The following TEX11 variants were observed in gnomAD, a reference collection of about 807,000 sequenced individuals.
The protein encoded by TEX11 is testis-expressed protein 11.
A neutral mutation model predicts 84.4 loss-of-function variants in TEX11; 7 were observed. The ratio of observed to expected loss-of-function variants is 0.08; its 90% confidence interval spans 0.05 to 0.16. TEX11 has a LOEUF of 0.16. Among genes scored for constraint, TEX11 ranks in the 10% least tolerant of loss-of-function variants. TEX11 has a pLI of 1.00. For synonymous variants in TEX11, 264 were observed against 222.8 expected, an observed-to-expected ratio of 1.18 and a Z score of -1.64; for missense variants, 551 against 660.5, an observed-to-expected ratio of 0.83 and a Z score of 1.82.
chrX:70,639,200 C>T lies in TEX11; in HGVS notation c.1484-9465G>A, dbSNP rs186774938. Among the ~76,000 whole-genome samples the T allele has an allele frequency of 3.1e-3, 353 of 112,085 alleles. 1 individual carries two copies. Among genetic ancestry groups the T allele is most frequent in the African/African-American group, 0.01 (321 of 30,920 alleles). ...TCGGGTCACTCCCACCTGAATACTG[C>T]GCTTTTCTCACGGGCTTAAAAAACA... On this transcript the variant is annotated intron_variant, in intron 17 of 29. Coordinates refer to ENST00000374333, the MANE Select transcript of TEX11 (RefSeq NM_031276.3).
At chrX:70,843,302 C>T (rs1269681314) in intron 7 of TEX11, among the ~76,000 whole-genome samples, 1 of 110,981 alleles carries the variant, frequency 9.0e-6, no homozygotes, top group African/African-American at 3.3e-5. Flanking sequence ...GAAATAATGC[C>T]GCATATCTAC....
intron 13 of TEX11, among the ~76,000 whole-genome samples, chrX:70,691,961 A>C (rs910156842): frequency 1.1e-4 from 12 of 109,354 alleles, no homozygotes; most frequent in Non-Finnish European, 2.3e-4. Context: ...AGGTAGGGGA[A>C]AGTCCCAAAC....
At chrX:70,599,358 C>T (rs1036094128) in intron 24 of TEX11, among the ~76,000 whole-genome samples, 5 of 111,797 alleles carry the variant, frequency 4.5e-5, no homozygotes, top group Non-Finnish European at 5.7e-5. Flanking sequence ...TTACCTATCC[C>T]TCAATTTCTC....
At chrX:70,707,873 A>G (rs747605532) in intron 13 of TEX11, among the ~76,000 whole-genome samples, 2 of 110,899 alleles carry the variant, frequency 1.8e-5, no homozygotes, top group South Asian at 7.6e-4. Context: ...CTTGGCAAAT[A>G]ATTTTTGGTT....
At chrX:70,836,008 T>C (rs1292382908) in intron 7 of TEX11, among the ~76,000 whole-genome samples, 2 of 105,159 alleles carry the variant, frequency 1.9e-5, no homozygotes, top group Non-Finnish European at 3.9e-5. Flanking sequence ...CTCAGCTACT[T>C]GGGAGGCTGA....
chrX:70,670,640 T>C (rs1010781054), intron 15 of TEX11, 126 bp from the exon 16 acceptor site: 1 of 735,190 alleles, frequency 1.4e-6, no homozygotes, highest in South Asian at 3.6e-5. Flanking sequence ...ACAATATCCT[T>C]TATATAGGGT....
chrX:70,882,771 C>T (rs775204394), intron 2 of TEX11, among the ~76,000 whole-genome samples: 1 of 108,937 alleles, frequency 9.2e-6, no homozygotes, highest in Non-Finnish European at 1.9e-5. Flanking sequence ...CAGAGCAAGA[C>T]CTTGTCTCTC....
chrX:70,512,497 G>A, the TEX11 span, among the ~76,000 whole-genome samples: 1 of 108,564 alleles, frequency 9.2e-6, no homozygotes, highest in African/African-American at 3.4e-5. Context: ...GGGATTACAG[G>A]CATGAGCAGT....
At chrX:70,745,466 G>A (rs2090762123) in intron 9 of TEX11, among the ~76,000 whole-genome samples, 1 of 110,579 alleles carries the variant, frequency 9.0e-6, no homozygotes, top group Non-Finnish European at 1.9e-5. Flanking sequence ...CAATGACAGT[G>A]GCTCACACCT....
chrX:70,723,914 A>T (rs1364688542), intron 12 of TEX11, among the ~76,000 whole-genome samples: 2 of 111,840 alleles, frequency 1.8e-5, no homozygotes, highest in African/African-American at 6.5e-5. Flanking sequence ...TCAATGCAAA[A>T]TCTAGTATTT....
chrX:70,629,761 A>C lies in TEX11; in HGVS notation c.1484-26T>G, dbSNP rs760584226. The C allele has an allele frequency of 4.8e-6, 5 of 1,051,832 alleles. No homozygotes were observed. The African/African-American group carries it at 7.6e-5, about 16-fold the overall frequency. 86.7% of individuals were successfully genotyped at this position (1,051,832 alleles called of 1,213,427 possible). ...CTGAAAAACAAGAAAAAAATTCAAA[A>C]ATGATATACTCTAATCAAAGAAATT... On this transcript the variant is annotated intron_variant, in intron 17 of 29. Transcript: ENST00000374333.
chrX:70,750,712 A>C (rs1401273658), intron 9 of TEX11, among the ~76,000 whole-genome samples: 1 of 96,915 alleles, frequency 1.0e-5, no homozygotes, highest in Non-Finnish European at 2.1e-5. Context: ...ATAGGTGGGA[A>C]TTGAACAATG....
At chrX:70,673,502 G>A (rs1479129801) in intron 15 of TEX11, 1 of 111,705 alleles carries the variant, frequency 9.0e-6, no homozygotes, top group African/African-American at 3.3e-5. Context: ...GCAGGGAATA[G>A]GCTGCACATG....
chrX:70,796,792 G>A (rs1238336003), intron 9 of TEX11, among the ~76,000 whole-genome samples: 1 of 111,537 alleles, frequency 9.0e-6, no homozygotes, highest in African/African-American at 3.3e-5. Flanking sequence ...TAAAAAGTGG[G>A]GGTTAAAAAG....
chrX:70,620,329 G>A (rs1603151340), intron 20 of TEX11, among the ~76,000 whole-genome samples: 3 of 111,425 alleles, frequency 2.7e-5, no homozygotes, highest in East Asian at 5.6e-4. Flanking sequence ...GAAGATATAC[G>A]ATGACAAATA....
rs183864486 is a variant in TEX11 at position 70,885,983 on chromosome X, C to A, written c.38-5874G>T. On this transcript the variant is annotated intron_variant, in intron 2 of 29. Coordinates refer to ENST00000374333, the MANE Select transcript of TEX11 (RefSeq NM_031276.3). Reference sequence around the variant, plus strand: ...GTAGAGAAATTGGAACTCTTGTACACTGTTGGTAGGATGGTAAAATGGTGC... The same window carrying A: ...GTAGAGAAATTGGAACTCTTGTACAATGTTGGTAGGATGGTAAAATGGTGC... 3.0e-3 allele frequency among the ~76,000 whole-genome samples: 327 copies of A among 110,293 alleles called. 2 individuals are homozygous for A. The highest frequency in any genetic ancestry group is 5.0e-3 in the Admixed American group (52 of 10,313).
intron 9 of TEX11, among the ~76,000 whole-genome samples, chrX:70,751,697 A>G: frequency 8.9e-6 from 1 of 112,143 alleles, no homozygotes. Flanking sequence ...GCTATCTTTC[A>G]AAATTAAGAG....
chrX:70,771,884 G>C (rs966206032), intron 9 of TEX11, among the ~76,000 whole-genome samples: 1 of 111,590 alleles, frequency 9.0e-6, no homozygotes. Context: ...CATGAACCCA[G>C]CCTCCAGGCG....
At chrX:70,875,481 G>A (rs2091650972) in intron 3 of TEX11, among the ~76,000 whole-genome samples, 1 of 109,340 alleles carries the variant, frequency 9.1e-6, no homozygotes, top group Admixed American at 9.9e-5. Context: ...GCTCACGCCT[G>A]TAATCCCAGC....
Sources: allele counts gnomAD v4.1 joint callset (sites outside exome capture counted in the v4.1 genomes callset), GRCh38; gene constraint gnomAD v4.1.1; transcripts MANE v1.5; gene names NCBI Gene and HGNC (gene_info 2026-07-23, HGNC 2026-07-21).